PHF24: variants seen among roughly 807,000 people sequenced by gnomAD.
PHF24 encodes Galpha inhibitory interacting protein.
A neutral mutation model predicts 42.6 loss-of-function variants in PHF24; 25 were observed. The ratio of observed to expected loss-of-function variants is 0.59; its 90% CI spans 0.43 to 0.82. The LOEUF (loss-of-function observed/expected upper bound fraction) is 0.82. Among genes scored for constraint, PHF24 ranks in the 40% least tolerant of loss-of-function variants. PHF24 has a pLI of 0.00. For synonymous variants in PHF24, 185 were observed against 204.8 expected, an observed-to-expected ratio of 0.90 and a Z score of 0.83; for missense variants, 470 against 538.1, an observed-to-expected ratio of 0.87 and a Z score of 1.25.
At chr9:34,971,790 A>G in intron 2 of PHF24, 114 bp downstream of exon 2, 1 of 1,238,440 alleles carries the variant, frequency 8.1e-7, no homozygotes, top group Non-Finnish European at 1.1e-6. Flanking sequence ...GCTGAGTCCA[A>G]AAAAATCTTT....
At chr9:34,682,181 C>T in the PHF24 span, among the ~76,000 whole-genome samples, 2 of 114,658 alleles carry the variant, frequency 1.7e-5, no homozygotes, top group Admixed American at 2.2e-4. Flanking sequence ...TTTGTGGAGA[C>T]ATTGCCCAGA....
the PHF24 span, among the ~76,000 whole-genome samples, chr9:34,757,965 CTATT>C: frequency 6.6e-6 from 1 of 152,068 alleles, no homozygotes; most frequent in African/African-American, 2.4e-5. Context: ...GGTCCATGGG[CTATT>C]TCTCAGGACT....
At chr9:34,680,711 A>AT in the PHF24 span, among the ~76,000 whole-genome samples, 11 of 58,222 alleles carry the variant, frequency 1.9e-4, no homozygotes, top group African/African-American at 3.0e-4. Flanking sequence ...AATAAATAAA[A>AT]AAAAAAATAA....
At chr9:34,838,205 G>A in the PHF24 span, 2 of 581,868 alleles carry the variant, frequency 3.4e-6, no homozygotes, top group South Asian at 4.2e-5. Flanking sequence ...GCTCTGAGAA[G>A]GAAAAGACTA....
chr9:34,850,028 C>T, the PHF24 span, among the ~76,000 whole-genome samples: 1 of 152,224 alleles, frequency 6.6e-6, no homozygotes, highest in Non-Finnish European at 1.5e-5. Flanking sequence ...TCTGGCTGCC[C>T]TTAACATTTT....
the PHF24 span, among the ~76,000 whole-genome samples, chr9:34,903,208 G>C: frequency 6.6e-6 from 1 of 152,200 alleles, no homozygotes; most frequent in Non-Finnish European, 1.5e-5. Flanking sequence ...TTCAAGTTAA[G>C]AGGATATAAA....
At chr9:34,836,786 T>G in the PHF24 span, among the ~76,000 whole-genome samples, 1 of 152,210 alleles carries the variant, frequency 6.6e-6, no homozygotes, top group Non-Finnish European at 1.5e-5. Flanking sequence ...ATAACATATC[T>G]CAGAGCTGAG....
chr9:34,678,264 A>C, the PHF24 span: 1 of 151,048 alleles, frequency 6.6e-6, no homozygotes, highest in East Asian at 1.9e-4. Flanking sequence ...GGACCTTGTG[A>C]TCGTGTGAGG....
the PHF24 span, among the ~76,000 whole-genome samples, chr9:34,772,346 T>C: frequency 1.3e-5 from 2 of 152,182 alleles, no homozygotes; most frequent in Non-Finnish European, 2.9e-5. Flanking sequence ...AATAATTGTG[T>C]GTATAAAAAT....
chr9:34,751,851 C>T, the PHF24 span, among the ~76,000 whole-genome samples: 3 of 152,080 alleles, frequency 2.0e-5, no homozygotes, highest in Non-Finnish European at 4.4e-5. Context: ...TATCAAGTAT[C>T]TTCTCTGAGC....
intron 6 of PHF24, 50 bp downstream of exon 6, chr9:34,977,293 T>C: frequency 6.5e-7 from 1 of 1,536,074 alleles, no homozygotes. Flanking sequence ...CTCCTCCCTT[T>C]TCCATGCCAG....
chr9:34,887,048 T>C, the PHF24 span, among the ~76,000 whole-genome samples: 2 of 152,134 alleles, frequency 1.3e-5, no homozygotes, highest in African/African-American at 4.8e-5. Context: ...AATGTCAGTA[T>C]TTCCCACATC....
the PHF24 span, among the ~76,000 whole-genome samples, chr9:34,696,262 C>A: frequency 6.6e-6 from 1 of 151,942 alleles, no homozygotes; most frequent in African/African-American, 2.4e-5. Flanking sequence ...CTGTGGGGGG[C>A]AGATCACTTG....
the PHF24 span, among the ~76,000 whole-genome samples, chr9:34,744,843 G>A: frequency 1.3e-5 from 2 of 151,976 alleles, no homozygotes; most frequent in Non-Finnish European, 2.9e-5. Flanking sequence ...GGATGGAGGT[G>A]GAGATATCAC....
At chr9:34,705,119 G>T in the PHF24 span, among the ~76,000 whole-genome samples, 2 of 151,584 alleles carry the variant, frequency 1.3e-5, no homozygotes, top group Admixed American at 1.3e-4. Context: ...ACTGGCATAT[G>T]AATATTCAGT....
chr9:34,944,871 A>T, the PHF24 span, among the ~76,000 whole-genome samples: 1 of 151,382 alleles, frequency 6.6e-6, no homozygotes, highest in Non-Finnish European at 1.5e-5. Context: ...TGGGAAACAT[A>T]ATGAGAACTT....
At chr9:34,920,833 T>C in the PHF24 span, among the ~76,000 whole-genome samples, 3 of 152,240 alleles carry the variant, frequency 2.0e-5, no homozygotes, top group Non-Finnish European at 4.4e-5. Flanking sequence ...TGCTACTGAT[T>C]TTTGTATGTT....
chr9:34,850,381 C>T, the PHF24 span, among the ~76,000 whole-genome samples: 3 of 152,174 alleles, frequency 2.0e-5, no homozygotes, highest in African/African-American at 7.2e-5. Context: ...CCCTTTCTTC[C>T]AGTTGGTCTC....
exon 2 of PHF24, chr9:34,971,521 G>T: frequency 6.2e-7 from 1 of 1,614,166 alleles, no homozygotes; most frequent in East Asian, 2.2e-5. Flanking sequence ...GAGTAGTGCC[G>T]GCCGCGCAGC....
Sources: gnomAD v4.1 joint callset for allele counts (sites outside exome capture counted in the v4.1 genomes callset) on GRCh38, gnomAD v4.1.1 for gene constraint, MANE v1.5 for transcripts, NCBI Gene and HGNC (gene_info 2026-07-23, HGNC 2026-07-21) for gene names.